The following INTS6 variants were observed in gnomAD, a reference collection of about 807,000 sequenced individuals.
INTS6 encodes DEAD box protein.
In INTS6, 16 loss-of-function variants were observed where a neutral mutation model predicts 104.9. The ratio of observed to expected loss-of-function variants is 0.15; its 90% CI spans 0.10 to 0.23. INTS6 has a LOEUF of 0.23. Ranked by LOEUF, INTS6 falls within the 10% of genes least tolerant of loss-of-function variation. The pLI, the probability that INTS6 is intolerant of heterozygous loss-of-function variation, is 1.00. For missense variants in INTS6, 584 were observed against 1,062.8 expected (o/e 0.55, Z 6.26); for synonymous variants, 324 against 358.7 (o/e 0.90, Z 1.09).
chr13:51,450,341 A>G, intron 3 of INTS6: 1 of 985,414 alleles, frequency 1.0e-6, no homozygotes, highest in Non-Finnish European at 1.2e-6. Context: ...TCATCCTCAA[A>G]TACATGAAAG....
chr13:51,406,091 C>A (rs1057443699), intron 4 of INTS6, among the ~76,000 whole-genome samples: 2 of 152,260 alleles, frequency 1.3e-5, no homozygotes, highest in East Asian at 3.9e-4. Flanking sequence ...TCCATCCTCA[C>A]CCCTAACCTA....
At chr13:51,352,079 T>C (rs924255653), downstream of INTS6, among the ~76,000 whole-genome samples, 10 of 152,142 alleles carry the variant, frequency 6.6e-5, no homozygotes, top group Non-Finnish European at 1.5e-4. Context: ...CAAGATTGTT[T>C]TAGCTATTCT....
intron 15 of INTS6, 83 bp from the exon 16 acceptor site, chr13:51,369,393 C>G: frequency 1.5e-6 from 2 of 1,357,686 alleles, no homozygotes; most frequent in South Asian, 2.9e-5. Flanking sequence ...AACATTACTA[C>G]AGCAAGTCAA....
chr13:51,361,534 C>A, downstream of INTS6: 2 of 589,274 alleles, frequency 3.4e-6, no homozygotes, highest in African/African-American at 1.9e-5. Context: ...TGAAAAATGA[C>A]GGGGAAGAAG....
Position 51,365,920 on chromosome 13 carries a change from A to G in INTS6, c.2571-75T>C, listed in dbSNP as rs560586845. 43 of 807,896 alleles carry G rather than the reference A, an allele frequency of 5.3e-5. No homozygotes were observed. In the Admixed American group the frequency reaches 8.5e-4, roughly 16 times the overall value. The allele number at this position is 807,896 out of a possible 1,614,324, so 50.0% of individuals were successfully genotyped here. Reference sequence around the variant, plus strand: ...TATATCAGTATAATTTTTTTAAGAAAGGAGAGAAAATTTTGGGAAGATTTT... The same window carrying G: ...TATATCAGTATAATTTTTTTAAGAAGGGAGAGAAAATTTTGGGAAGATTTT... On this transcript the variant is annotated intron_variant, in intron 17 of 17. Transcript: ENST00000311234.
In INTS6 at chr13:51,361,981, A is replaced by T. The variant is rs540996987; in HGVS notation, c.*3771T>A. On this transcript the variant is annotated 3_prime_UTR_variant, in exon 18 of 18. Transcript: ENST00000311234. ...TCATTTGTCCACTATCCCCTCAAAA[A>T]TAAGCATTCTTTCTAGCTGTTTTTA... is the stretch of plus-strand genomic sequence containing the variant. 5 of 1,611,030 alleles carry T rather than the reference A, an allele frequency of 3.1e-6. No homozygotes were observed. Among genetic ancestry groups the T allele is most frequent in the Non-Finnish European group, 4.2e-6 (5 of 1,178,308 alleles).
At chr13:51,402,656 A>G (rs1956459758) in intron 4 of INTS6, 1 of 152,228 alleles carries the variant, frequency 6.6e-6, no homozygotes, top group African/African-American at 2.4e-5. Flanking sequence ...CGTAGCCAAC[A>G]GAAAAGGAAA....
intron 4 of INTS6, among the ~76,000 whole-genome samples, chr13:51,404,406 G>A (rs1339122611): frequency 6.6e-6 from 1 of 152,050 alleles, no homozygotes; most frequent in African/African-American, 2.4e-5. Context: ...TCCAAGAGCT[G>A]GAAGTCTTAT....
At chr13:51,406,497 TCAG>T (rs1353449215) in intron 4 of INTS6, among the ~76,000 whole-genome samples, 1 of 152,142 alleles carries the variant, frequency 6.6e-6, no homozygotes, top group Non-Finnish European at 1.5e-5. Context: ...GCATTATATG[TCAG>T]CAGGTTTTAC....
chr13:51,411,030 A>C (rs1285232967), intron 4 of INTS6, among the ~76,000 whole-genome samples: 1 of 149,454 alleles, frequency 6.7e-6, no homozygotes, highest in Admixed American at 6.7e-5. Flanking sequence ...TGGCCAACAT[A>C]GTGAAACCCC....
downstream of INTS6, among the ~76,000 whole-genome samples, chr13:51,352,025 A>G (rs1385950233): frequency 6.6e-6 from 1 of 152,118 alleles, no homozygotes; most frequent in East Asian, 1.9e-4. Context: ...AGTACCACAC[A>G]GTCTTCATTA....
intron 4 of INTS6, among the ~76,000 whole-genome samples, chr13:51,403,947 T>A (rs1956498612): frequency 6.6e-6 from 1 of 151,960 alleles, no homozygotes; most frequent in Non-Finnish European, 1.5e-5. Flanking sequence ...CCTGGCCAGA[T>A]GTGGTGGTTC....
chr13:51,433,237 A>T, intron 3 of INTS6, among the ~76,000 whole-genome samples: 1 of 152,196 alleles, frequency 6.6e-6, no homozygotes, highest in East Asian at 1.9e-4. Flanking sequence ...TGATGTCAGG[A>T]CTGCGAGACC....
Position 51,389,428 on chromosome 13 carries a change from C to T in INTS6, c.630G>A (p.Val210=). 3 of 1,608,622 alleles carry T rather than the reference C, an allele frequency of 1.9e-6. No individual in the cohort carries two copies. The highest frequency in any genetic ancestry group is 2.5e-6 in the Non-Finnish European group (3 of 1,177,732). Residue 210 remains valine, a synonymous_variant, in exon 6 of 18, where the codon GTG becomes GTA. Transcript: ENST00000311234. The stretch of plus-strand genomic sequence containing the variant: ...ACTGATTAAGCATTCTTGGAGAACA[C>T]ACAGAATATGAACGGCCTGAGATTA... The part of the protein sequence containing the change: ...CEVTGGRSYS[V]CSPRMLNQCL...
intron 4 of INTS6, 72 bp from the exon 5 acceptor site, chr13:51,395,555 A>T (rs1434084355): frequency 2.0e-5 from 27 of 1,357,630 alleles, no homozygotes; most frequent in Non-Finnish European, 2.6e-5. Context: ...CTTTAATTAC[A>T]CTTACGTTAG....
chr13:51,447,688 C>A (rs1290391032), intron 3 of INTS6: 14 of 141,508 alleles, frequency 9.9e-5, no homozygotes, highest in African/African-American at 3.8e-4. Context: ...GACTTGCAGG[C>A]CAGAGTAAAG....
At chr13:51,356,654 C>T (rs561647648), downstream of INTS6, among the ~76,000 whole-genome samples, 415 of 152,292 alleles carry the variant, frequency 2.7e-3, 7 homozygotes, top group Non-Finnish European at 4.1e-3. Flanking sequence ...CCTCTGTCCT[C>T]AAACAGGACT....
intron 5 of INTS6, among the ~76,000 whole-genome samples, chr13:51,389,781 A>G (rs1956211586): frequency 6.6e-6 from 1 of 152,116 alleles, no homozygotes; most frequent in Non-Finnish European, 1.5e-5. Flanking sequence ...AAAAAACACT[A>G]TCTCCAACTG....
intron 3 of INTS6, chr13:51,441,873 T>C (rs1386881299): frequency 6.7e-6 from 1 of 149,304 alleles, no homozygotes; most frequent in Non-Finnish European, 1.5e-5. Context: ...CAGGCTGGAG[T>C]GCAGTCGCAC....
Sources: gnomAD v4.1 joint callset for allele counts (sites outside exome capture counted in the v4.1 genomes callset) on GRCh38, gnomAD v4.1.1 for gene constraint, MANE v1.5 for transcripts, NCBI Gene and HGNC (gene_info 2026-07-23, HGNC 2026-07-21) for gene names.